TM7SF3: variants seen among roughly 807,000 people sequenced by gnomAD.
TM7SF3 encodes the protein transmembrane 7 superfamily member 3.
TM7SF3 carries 60 observed loss-of-function variants against 65.5 expected under a neutral mutation model. That is an observed-to-expected ratio of 0.92 (90% CI 0.74 to 1.14). TM7SF3 has a LOEUF of 1.14. TM7SF3 is among the 50% of genes most tolerant of loss of function. The pLI is 0.00. For missense variants in TM7SF3, 623 were observed against 684.8 expected (o/e 0.91, Z 1.01); for synonymous variants, 264 against 259.6 (o/e 1.02, Z -0.16).
At chr12:27,000,806 T>C (rs1418324993) in intron 2 of TM7SF3, among the ~76,000 whole-genome samples, 3 of 152,090 alleles carry the variant, frequency 2.0e-5, no homozygotes, top group Non-Finnish European at 2.9e-5. Flanking sequence ...TGTGAAACCA[T>C]TACCACAATC....
At chr12:27,010,447 A>C (rs1941202511) in intron 1 of TM7SF3, among the ~76,000 whole-genome samples, 2 of 152,262 alleles carry the variant, frequency 1.3e-5, no homozygotes, top group South Asian at 4.1e-4. Context: ...AACAAAAGAT[A>C]CTGAAAGTCA....
chr12:26,990,307 T>C, intron 6 of TM7SF3, 143 bp downstream of exon 6: 1 of 554,676 alleles, frequency 1.8e-6, no homozygotes, highest in Non-Finnish European at 3.2e-6. Flanking sequence ...CTGTTTTGTT[T>C]ACTGCTATGT....
At chr12:27,004,951 T>C (rs937108819) in intron 1 of TM7SF3, among the ~76,000 whole-genome samples, 1 of 152,180 alleles carries the variant, frequency 6.6e-6, no homozygotes, top group African/African-American at 2.4e-5. Flanking sequence ...GAATGGCCAA[T>C]AGAATCTGGG....
At chr12:26,992,195 A>G (rs1469801407) in intron 5 of TM7SF3, among the ~76,000 whole-genome samples, 1 of 152,160 alleles carries the variant, frequency 6.6e-6, no homozygotes, top group African/African-American at 2.4e-5. Flanking sequence ...ACCCTAGCCT[A>G]CCTTAAATGT....
rs778532779 is a variant in TM7SF3 at position 26,999,551 on chromosome 12, AG to A, written c.371del (p.Ala124ValfsTer22). ...TSGIQPVQNM[A>X]ILLSYSERDP... Reference sequence around the variant, plus strand: ...CTCTTTCTGAGTAGGAGAGTAGGATAGCCATATTCTGGACAGGCTGTATGCC... The same window carrying A: ...CTCTTTCTGAGTAGGAGAGTAGGATACCATATTCTGGACAGGCTGTATGCC... On this transcript the variant is annotated frameshift_variant, in exon 3 of 12. Transcript: ENST00000343028. LOFTEE classifies it high-confidence loss of function. 8.1e-5 allele frequency: 131 copies of A among 1,614,070 alleles called. No individual in the cohort carries two copies. Among genetic ancestry groups the A allele is most frequent in the Non-Finnish European group, 1.1e-4 (129 of 1,180,008 alleles).
At chr12:26,982,656 G>T in intron 7 of TM7SF3, 117 bp downstream of exon 7, 1 of 654,914 alleles carries the variant, frequency 1.5e-6, no homozygotes, top group Non-Finnish European at 2.5e-6. Flanking sequence ...CAAGACCCCA[G>T]CTACAAATCT....
Position 26,974,194 on chromosome 12 carries a change from G to T in TM7SF3, c.1484C>A (p.Ala495Asp). ...AATCTGTAACGTAATTCCACTTACA[G>T]CCAGCATGCCCCATACTGCCAGGAT... ...FIILAVWGML[A>D]VSGITLQIRR... The change falls in exon 12 of 12, where the codon GCT becomes GAT. Residue 495 changes from alanine to aspartate, a missense_variant. Coordinates refer to ENST00000343028, the MANE Select transcript of TM7SF3 (RefSeq NM_016551.3). The T allele has an allele frequency of 6.2e-7, 1 of 1,614,160 alleles. No individual in the cohort carries two copies. The highest frequency in any genetic ancestry group is 1.1e-5 in the South Asian group (1 of 91,080).
chr12:26,974,743 ACTGT>A (rs1174430623), intron 11 of TM7SF3, among the ~76,000 whole-genome samples: 2 of 152,156 alleles, frequency 1.3e-5, no homozygotes, highest in African/African-American at 2.4e-5. Context: ...TTGGCAAAAC[ACTGT>A]CTGGTACTTA....
intron 9 of TM7SF3, chr12:26,978,754 T>C (rs938720032): frequency 1.3e-5 from 2 of 151,896 alleles, no homozygotes; most frequent in African/African-American, 4.8e-5. Context: ...ATTTTTTTTT[T>C]TTTTTTTTCA....
chr12:26,978,728 C>A (rs1487602841), intron 9 of TM7SF3: 1 of 147,508 alleles, frequency 6.8e-6, no homozygotes, highest in Non-Finnish European at 1.5e-5. Flanking sequence ...CAGGTGTGCA[C>A]TACAACACCT....
chr12:27,007,715 G>T lies in TM7SF3; in HGVS notation c.92-4325C>A, dbSNP rs1941092407. Among the ~76,000 whole-genome samples, 5 of 152,228 alleles carry T rather than the reference G, an allele frequency of 3.3e-5. No homozygotes were observed. The South Asian group carries it at 1.0e-3, about 32-fold the overall frequency. Reference sequence around the variant, plus strand: ...ACCTAAACAGCATTCTAGCATCTTAGTGGTCCCCCTGTGGCCCCTCCCAAT... The same window carrying T: ...ACCTAAACAGCATTCTAGCATCTTATTGGTCCCCCTGTGGCCCCTCCCAAT... On this transcript the variant is annotated intron_variant, in intron 1 of 11. Transcript: ENST00000343028.
rs777086882 is a variant in TM7SF3 at position 27,003,293 on chromosome 12, A to T, written c.189T>A (p.Thr63=). ...GTGAGTGTATTTGGAAAATAAGAAA[A>T]GTCACATTGCTTGAAATATCATGCA... is the stretch of plus-strand genomic sequence containing the variant. ...AILHDISSNV[T]FLIFQIHSQY... Residue 63 remains threonine (T), a synonymous_variant, in exon 2 of 12, where the codon ACT becomes ACA. Coordinates refer to ENST00000343028, the MANE Select transcript of TM7SF3 (RefSeq NM_016551.3). 1.5e-5 allele frequency: 24 copies of T among 1,613,420 alleles called. No individual in the cohort carries two copies. Among genetic ancestry groups the T allele is most frequent in the Middle Eastern group, 1.6e-4 (1 of 6,080 alleles).
chr12:27,002,609 A>C (rs916209835), intron 2 of TM7SF3, among the ~76,000 whole-genome samples: 1 of 152,200 alleles, frequency 6.6e-6, no homozygotes, highest in Non-Finnish European at 1.5e-5. Context: ...ATGCAGATAG[A>C]TTGTAAAAGA....
intron 5 of TM7SF3, among the ~76,000 whole-genome samples, chr12:26,994,876 A>G (rs563649906): frequency 1.9e-4 from 29 of 152,344 alleles, no homozygotes; most frequent in African/African-American, 6.5e-4. Flanking sequence ...ATCCTTAAGC[A>G]GTTTCTCATT....
intron 2 of TM7SF3, among the ~76,000 whole-genome samples, chr12:27,000,155 T>C (rs1201095846): frequency 6.6e-6 from 1 of 152,148 alleles, no homozygotes; most frequent in Non-Finnish European, 1.5e-5. Flanking sequence ...CATGACCTAA[T>C]CACTTCCCAA....
At chr12:27,006,683 A>G (rs1941050339) in intron 1 of TM7SF3, among the ~76,000 whole-genome samples, 1 of 152,264 alleles carries the variant, frequency 6.6e-6, no homozygotes, top group South Asian at 2.1e-4. Context: ...TTAGGCAGAT[A>G]TAAGCATGCA....
Position 26,974,071 on chromosome 12 carries a change from TAGC to T in TM7SF3, c.1604_1606del (p.Ser535_Tyr536delinsAsn). The T allele has an allele frequency of 3.1e-6, 5 of 1,614,146 alleles. No homozygotes were observed. The highest frequency in any genetic ancestry group is 4.2e-6 in the Non-Finnish European group (5 of 1,180,006). ...CCTCTCTCTCAATGGAGGAATGTGG[TAGC>T]TAGGGTCCAGAATGTTTGTCACTCG... On this transcript the variant is annotated inframe_deletion, in exon 12 of 12. Coordinates refer to ENST00000343028, the MANE Select transcript of TM7SF3 (RefSeq NM_016551.3).
intron 1 of TM7SF3, among the ~76,000 whole-genome samples, chr12:27,011,161 A>G (rs1348254340): frequency 2.0e-5 from 3 of 152,236 alleles, no homozygotes; most frequent in African/African-American, 7.2e-5. Context: ...AGGGAACACA[A>G]AAATGAACAT....
At chr12:26,978,529 C>T (rs1939667855) in intron 9 of TM7SF3, 1 of 152,220 alleles carries the variant, frequency 6.6e-6, no homozygotes, top group Admixed American at 6.5e-5. Flanking sequence ...ATCCTCTAAG[C>T]ATTAACAAAA....
Sources: gnomAD v4.1 joint callset for allele counts (sites outside exome capture counted in the v4.1 genomes callset) on GRCh38, gnomAD v4.1.1 for gene constraint, MANE v1.5 for transcripts, NCBI Gene and HGNC (gene_info 2026-07-23, HGNC 2026-07-21) for gene names.